Variants in ATP11A observed in about 807,000 individuals in gnomAD.
ATP11A encodes the protein phospholipid-transporting ATPase IH.
Under a neutral mutation model 154.4 loss-of-function variants are expected in ATP11A, and 81 were observed. That is an observed-to-expected ratio of 0.52 (90% CI 0.44 to 0.63). The LOEUF (loss-of-function observed/expected upper bound fraction) is 0.63. ATP11A is among the 30% of genes least tolerant of loss of function. The probability of loss-of-function intolerance (pLI) is 0.00; values close to 1 mark genes in which losing one functional copy is unlikely to be tolerated. For missense variants in ATP11A, 1,316 were observed against 1,474.3 expected (o/e 0.89, Z 1.76); for synonymous variants, 623 against 585.9 (o/e 1.06, Z -0.91).
intron 29 of ATP11A, chr13:112,880,512 C>T: frequency 7.8e-7 from 1 of 1,286,578 alleles, no homozygotes. Flanking sequence ...CCCCGTGTGG[C>T]CCACGTCGCT....
intron 1 of ATP11A, among the ~76,000 whole-genome samples, chr13:112,691,674 T>C (rs1364178047): frequency 6.6e-6 from 1 of 152,114 alleles, no homozygotes; most frequent in African/African-American, 2.4e-5. Context: ...ACTTTGTTCT[T>C]TCCCGGCATA....
At chr13:112,702,604 T>C (rs2139505757) in intron 1 of ATP11A, among the ~76,000 whole-genome samples, 1 of 152,372 alleles carries the variant, frequency 6.6e-6, no homozygotes. Context: ...TGGGTGGCCT[T>C]GGCCGGGCTT....
Position 112,854,548 on chromosome 13 carries a change from GC to G in ATP11A, c.2243+23del. ...CTGTCCGGGTAGGCAGCGCGTCCCC[GC>G]CCCCACCCCCACACTCCCGCAAAAG... On this transcript the variant is annotated intron_variant, in intron 19 of 29. Transcript: ENST00000375645. 1.3e-6 allele frequency: 2 copies of G among 1,593,948 alleles called. No individual in the cohort carries two copies. The highest frequency in any genetic ancestry group is 1.7e-6 in the Non-Finnish European group (2 of 1,172,704).
At chr13:112,818,815 A>G (rs762502992) in intron 6 of ATP11A, among the ~76,000 whole-genome samples, 2 of 152,258 alleles carry the variant, frequency 1.3e-5, no homozygotes, top group Non-Finnish European at 2.9e-5. Context: ...ACGTTGAGAC[A>G]GGCTTGAGGA....
At chr13:112,848,181 GTCA>G (rs1304417168) in intron 17 of ATP11A, among the ~76,000 whole-genome samples, 1 of 152,154 alleles carries the variant, frequency 6.6e-6, no homozygotes, top group African/African-American at 2.4e-5. Flanking sequence ...GGGTAGTGTT[GTCA>G]TCTTAACAAT....
At chr13:112,805,682 A>C (rs1277949221) in intron 3 of ATP11A, among the ~76,000 whole-genome samples, 2 of 151,920 alleles carry the variant, frequency 1.3e-5, no homozygotes, top group African/African-American at 4.8e-5. Flanking sequence ...CAAAAAAAAA[A>C]AAAAAAAGAG....
rs114228189 is a variant in ATP11A, at chr13:112,755,115, C to G, written c.40-30020C>G. 9.4e-3 allele frequency among the ~76,000 whole-genome samples: 1,430 copies of G among 152,310 alleles called. 25 individuals carry two copies. Among genetic ancestry groups the G allele is most frequent in the African/African-American group, 0.032 (1,313 of 41,584 alleles). On this transcript the variant is annotated intron_variant, in intron 1 of 29. Coordinates refer to ENST00000375645, the MANE Select transcript of ATP11A (RefSeq NM_015205.3). ...ACTGTGGACGAGGAAATTGTACTTT[C>G]CGAACATTTTCACGTGTCCCCAAAC...
At chr13:112,809,785 C>T (rs889161057) in intron 4 of ATP11A, among the ~76,000 whole-genome samples, 5 of 152,200 alleles carry the variant, frequency 3.3e-5, no homozygotes, top group African/African-American at 9.7e-5. Context: ...CACAAAGGCA[C>T]GTTTGTCATC....
At chr13:112,828,924 A>T (rs2079019130) in intron 12 of ATP11A, among the ~76,000 whole-genome samples, 1 of 152,232 alleles carries the variant, frequency 6.6e-6, no homozygotes, top group South Asian at 2.1e-4. Context: ...TTCACCCACC[A>T]GTCAAGCGTC....
At position 112,778,763 on chromosome 13, in the gene ATP11A, C is replaced by T. The variant is rs1384899483; in HGVS notation, c.40-6372C>T. Among the ~76,000 whole-genome samples the T allele has an allele frequency of 5.7e-5, 7 of 123,182 alleles. No individual in the cohort carries two copies. The East Asian group carries it at 1.3e-3, about 22-fold the overall frequency. 80.8% of individuals were successfully genotyped at this position (123,182 alleles called of 152,430 possible). A position where few individuals can be genotyped will look rare whatever the true frequency, so the allele number is the denominator to read the frequency against. ...AGTAGCCACTGGAGTGAGGAGTAGC[C>T]GCTGGAGTGAGTAGCCGCTGGAGTG... On this transcript the variant is annotated intron_variant, in intron 1 of 29. Coordinates refer to ENST00000375645, the MANE Select transcript of ATP11A (RefSeq NM_015205.3).
Position 112,690,548 on chromosome 13 carries a change from G to T in ATP11A, c.39+93G>T. 8.5e-7 allele frequency: 1 copy of T among 1,170,826 alleles called. No homozygotes were observed. 72.5% of individuals were successfully genotyped at this position (1,170,826 alleles called of 1,614,324 possible). ...GACCCTGTGGCCGGTCCAGCCCCGG[G>T]GTCCCGGGAGGTCTCCGATGTCTGG... On this transcript the variant is annotated intron_variant, in intron 1 of 29. Transcript: ENST00000375645. The surrounding 1 kb of genome is among the most constrained non-coding windows in gnomAD (Gnocchi z 5.6).
rs1349026230 is a variant in ATP11A, at chr13:112,858,224, G to A, written c.2601G>A (p.Met867Ile). 1 of 1,614,146 alleles carries A rather than the reference G, an allele frequency of 6.2e-7. No individual in the cohort carries two copies. The highest frequency in any genetic ancestry group is 8.5e-7 in the Non-Finnish European group (1 of 1,180,032). The change falls in exon 22 of 30, where the codon ATG becomes ATA. Residue 867 changes from methionine to isoleucine, a missense_variant. This residue lies in a region of ATP11A where 19 missense variants were observed against 46.6 expected (regional missense o/e 0.41). Transcript: ENST00000375645. ...AIPKFKHLKKMLLVHGHFYYI... is the reference protein window; with the variant it reads ...AIPKFKHLKKILLVHGHFYYI... ...CAAAGTTTAAGCATTTGAAGAAGATGCTGCTTGTTCACGGGCATTTTTATT... is the reference window on the plus strand; with the variant it reads ...CAAAGTTTAAGCATTTGAAGAAGATACTGCTTGTTCACGGGCATTTTTATT...
chr13:112,731,339 T>G lies in ATP11A; in HGVS notation c.39+40884T>G, dbSNP rs548671643. 5.9e-5 allele frequency among the ~76,000 whole-genome samples: 9 copies of G among 152,282 alleles called. No individual in the cohort carries two copies. In the South Asian group the frequency reaches 1.9e-3, roughly 32 times the overall value. ...TACTAAAGAAAACAGATTAGCTTTA[T>G]TACTAAAGAAAACAGAAATGCCATC... On this transcript the variant is annotated intron_variant, in intron 1 of 29. Coordinates refer to ENST00000375645, the MANE Select transcript of ATP11A (RefSeq NM_015205.3).
chr13:112,691,775 A>G (rs776089268), intron 1 of ATP11A, among the ~76,000 whole-genome samples: 1 of 152,064 alleles, frequency 6.6e-6, no homozygotes, highest in Non-Finnish European at 1.5e-5. Context: ...TCAGTGGGGG[A>G]TGCCAGATCA....
chr13:112,711,538 C>T (rs1000090942), intron 1 of ATP11A, among the ~76,000 whole-genome samples: 2 of 152,006 alleles, frequency 1.3e-5, no homozygotes, highest in Admixed American at 6.5e-5. Context: ...AAAAGCAGCC[C>T]AGGGACGTCA....
At chr13:112,717,905 C>T (rs937411826) in intron 1 of ATP11A, among the ~76,000 whole-genome samples, 1 of 152,152 alleles carries the variant, frequency 6.6e-6, no homozygotes, top group African/African-American at 2.4e-5. Context: ...GGTGAAACCC[C>T]ATCTCTACTA....
In ATP11A at chr13:112,885,478, C is replaced by T. The variant is rs2080962503; in HGVS notation, c.*3612C>T. Reference sequence around the variant, plus strand: ...CATCGTACACATGTGAGCTCCCACACGTACACACAGATGCACATGGACACA... The same window carrying T: ...CATCGTACACATGTGAGCTCCCACATGTACACACAGATGCACATGGACACA... On this transcript the variant is annotated 3_prime_UTR_variant, in exon 30 of 30. Transcript: ENST00000375645. The T allele has an allele frequency of 1.3e-5, 2 of 152,268 alleles. No individual in the cohort carries two copies. The highest frequency in any genetic ancestry group is 2.1e-4 in the South Asian group (1 of 4,836). 9.4% of individuals were successfully genotyped at this position (152,268 alleles called of 1,614,324 possible).
intron 18 of ATP11A, among the ~76,000 whole-genome samples, chr13:112,853,394 A>C (rs950942939): frequency 7.2e-5 from 11 of 152,180 alleles, no homozygotes; most frequent in African/African-American, 2.7e-4. Context: ...TTAGCTAGGA[A>C]GTTCTTCCCA....
chr13:112,785,058 C>T lies in ATP11A; in HGVS notation c.40-77C>T. The T allele has an allele frequency of 2.2e-6, 3 of 1,368,138 alleles. No individual in the cohort carries two copies. The highest frequency in any genetic ancestry group is 2.9e-6 in the Non-Finnish European group (3 of 1,051,564). 84.7% of individuals were successfully genotyped at this position (1,368,138 alleles called of 1,614,324 possible). A position where few individuals can be genotyped will look rare whatever the true frequency, so the allele number is the denominator to read the frequency against. On this transcript the variant is annotated intron_variant, in intron 1 of 29. Coordinates refer to ENST00000375645, the MANE Select transcript of ATP11A (RefSeq NM_015205.3). This position sits in a 1 kb window ranked among gnomAD's most constrained non-coding sequence, Gnocchi z 4.8. ...CAGGTCTCCGTTCCGACGAACGTGC[C>T]TCAAGGCAACACTCTGGGCAAGAGC...
Sources: allele counts gnomAD v4.1 joint callset (sites outside exome capture counted in the v4.1 genomes callset), GRCh38; gene constraint gnomAD v4.1.1; regional missense constraint gnomAD v4.1.1; non-coding constraint Gnocchi (gnomAD v3.1); transcripts MANE v1.5; gene names NCBI Gene and HGNC (gene_info 2026-07-23, HGNC 2026-07-21).